Variants in PXDN observed in about 807,000 individuals in gnomAD.
The protein encoded by PXDN is peroxidasin homolog.
Under a neutral mutation model 140.3 loss-of-function variants are expected in PXDN, and 77 were observed. The ratio of observed to expected loss-of-function variants is 0.55; its 90% CI spans 0.46 to 0.66. The LOEUF (loss-of-function observed/expected upper bound fraction) is 0.66, where lower values mean the gene tolerates loss of function less well. PXDN is among the 30% of genes least tolerant of loss of function. The probability of loss-of-function intolerance (pLI) is 0.00; values close to 1 mark genes in which losing one functional copy is unlikely to be tolerated. For synonymous variants in PXDN, 911 were observed against 857.4 expected (o/e 1.06, Z -1.09); for missense variants, 1,838 against 2,039.5 (o/e 0.90, Z 1.90).
chr2:1,673,265 T>G (rs1260027192), intron 9 of PXDN, among the ~76,000 whole-genome samples: 1 of 152,122 alleles, frequency 6.6e-6, no homozygotes, highest in African/African-American at 2.4e-5. Context: ...CTTAGCAAAA[T>G]AGAGACCTCG....
chr2:1,679,598 T>C (rs1012348588), intron 7 of PXDN, among the ~76,000 whole-genome samples: 4 of 114,708 alleles, frequency 3.5e-5, no homozygotes, highest in African/African-American at 1.5e-4. Context: ...TGCGTGTATG[T>C]GCGTGTGTGT....
Position 1,649,550 on chromosome 2 carries a change from G to T in PXDN, c.2230C>A (p.His744Asn), listed in dbSNP as rs779385719. The T allele has an allele frequency of 1.3e-4, 202 of 1,613,922 alleles. 4 individuals carry two copies. In the South Asian group the frequency reaches 2.2e-3, roughly 18 times the overall value. The change falls in exon 17 of 23, where the codon CAC becomes AAC. Residue 744 changes from histidine to asparagine, a missense_variant. His to Asn is a moderately conservative substitution (Grantham distance 68). Coordinates refer to ENST00000252804, the MANE Select transcript of PXDN (RefSeq NM_012293.3). This position sits in a 1 kb window ranked among gnomAD's most constrained non-coding sequence, Gnocchi z 7.1. ...DMCFHQKYRT[H>N]DGTCNNLQHP... is the part of the protein sequence containing the mutation. ...TGCAGGTTGTTACAGGTGCCGTCGT[G>T]CGTCCGGTACTTCTGGTGGAAGCAC...
chr2:1,744,611 C>T, upstream of PXDN: 1 of 632,756 alleles, frequency 1.6e-6, no homozygotes, highest in Non-Finnish European at 2.2e-6. Context: ...CCTCTGAATC[C>T]CCGAGGGCGG....
intron 11 of PXDN, 106 bp from the exon 12 acceptor site, chr2:1,663,869 C>A (rs115673433): frequency 2.8e-6 from 4 of 1,450,982 alleles, no homozygotes; most frequent in Admixed American, 1.9e-5. Flanking sequence ...TGGGTCGGGG[C>A]GCCGGATAAT....
rs117212802 is a variant in PXDN at position 1,653,314 on chromosome 2, T to C, written c.2104+314A>G. On this transcript the variant is annotated intron_variant, in intron 16 of 22. Coordinates refer to ENST00000252804, the MANE Select transcript of PXDN (RefSeq NM_012293.3). The stretch of plus-strand genomic sequence containing the variant: ...CAAGTCCTCCCTTATGGCTCATTTG[T>C]TGCAGAGGGACTGGGCTTGCATAAC... The C allele has an allele frequency of 3.8e-4, 146 of 386,390 alleles. No individual in the cohort carries two copies. In the East Asian group the frequency reaches 7.9e-3, roughly 21 times the overall value. The allele number at this position is 386,390 out of a possible 1,614,324, so 23.9% of individuals were successfully genotyped here.
At chr2:1,684,460 T>C (rs1558507857) in intron 4 of PXDN, among the ~76,000 whole-genome samples, 1 of 152,222 alleles carries the variant, frequency 6.6e-6, no homozygotes, top group African/African-American at 2.4e-5. Context: ...CCATTTTCAC[T>C]TCCAAAATAT....
intron 9 of PXDN, among the ~76,000 whole-genome samples, chr2:1,667,684 A>C (rs1405087204): frequency 6.6e-6 from 1 of 152,204 alleles, no homozygotes; most frequent in African/African-American, 2.4e-5. Context: ...CCAAATCATG[A>C]GTGAACTCCC....
chr2:1,717,402 A>G (rs932480323), intron 1 of PXDN, among the ~76,000 whole-genome samples: 5 of 152,182 alleles, frequency 3.3e-5, no homozygotes, highest in African/African-American at 9.7e-5. Flanking sequence ...AACTGGGCTC[A>G]GCAGCTTTTC....
chr2:1,673,768 T>C lies in PXDN; in HGVS notation c.893A>G (p.Asp298Gly). The C allele has an allele frequency of 6.2e-7, 1 of 1,614,032 alleles. No homozygotes were observed. The highest frequency in any genetic ancestry group is 8.5e-7 in the Non-Finnish European group (1 of 1,179,890). Residue 298 changes from aspartate to glycine, a missense_variant, in exon 9 of 23, where the codon GAC (aspartate) becomes GGC (glycine). Transcript: ENST00000252804. ...GTTCTGGATCATCAGGGTCCCATCG[T>C]CCAGCAAGTTTAGGCGGGAATCTGT... Reference protein sequence around the residue: ...MKTDSRLNLLDDGTLMIQNTQ... With the variant: ...MKTDSRLNLLGDGTLMIQNTQ...
intron 14 of PXDN, among the ~76,000 whole-genome samples, chr2:1,655,817 G>A (rs1683120425): frequency 7.2e-6 from 1 of 139,170 alleles, no homozygotes; most frequent in Non-Finnish European, 1.6e-5. Context: ...CATAGGACAT[G>A]ACGCACACAC....
At chr2:1,645,047 T>G (rs1384000214) in intron 17 of PXDN, among the ~76,000 whole-genome samples, 1 of 152,166 alleles carries the variant, frequency 6.6e-6, no homozygotes, top group Non-Finnish European at 1.5e-5. Flanking sequence ...TTTCCAACTA[T>G]TCAGGGATAA....
At chr2:1,679,000 A>C (rs1486323301) in intron 7 of PXDN, among the ~76,000 whole-genome samples, 1 of 152,204 alleles carries the variant, frequency 6.6e-6, no homozygotes, top group Non-Finnish European at 1.5e-5. Context: ...CTTAAAAAAA[A>C]AAACTGTGTA....
At chr2:1,692,680 C>T in intron 2 of PXDN, 1 of 458,046 alleles carries the variant, frequency 2.2e-6, no homozygotes, top group Non-Finnish European at 4.5e-6. Context: ...CACTTAAGTC[C>T]ACTCCACACT....
At chr2:1,744,169 G>C in intron 1 of PXDN, 87 bp downstream of exon 1, 65 of 689,084 alleles carry the variant, frequency 9.4e-5, no homozygotes, top group Middle Eastern at 6.2e-4. Flanking sequence ...TCCACCCTCC[G>C]CGCCCCCCAC....
In PXDN at chr2:1,684,050, T is replaced by C. The variant is rs769984824; in HGVS notation, c.488+30A>G. On this transcript the variant is annotated intron_variant, in intron 5 of 22. Transcript: ENST00000252804. ...GTGACTGAGGCTTGGGCTCTGTGAA[T>C]GGAAAGGCAAGGAACAACACACAAC... 5 of 1,551,332 alleles carry C rather than the reference T, an allele frequency of 3.2e-6. No individual in the cohort carries two copies. The African/African-American group carries it at 6.8e-5, about 21-fold the overall frequency.
At chr2:1,671,488 G>C (rs1683575071) in intron 9 of PXDN, among the ~76,000 whole-genome samples, 1 of 151,874 alleles carries the variant, frequency 6.6e-6, no homozygotes, top group South Asian at 2.1e-4. Flanking sequence ...GGAGAAAAAT[G>C]GTGGGAAAAG....
chr2:1,645,862 G>A (rs548055247), intron 17 of PXDN: 1 of 152,392 alleles, frequency 6.6e-6, no homozygotes, highest in Admixed American at 6.5e-5. Context: ...GCTCTCTTCT[G>A]TCCCCCACCG....
intron 7 of PXDN, among the ~76,000 whole-genome samples, chr2:1,678,431 T>C (rs901008772): frequency 6.6e-6 from 1 of 152,116 alleles, no homozygotes; most frequent in Non-Finnish European, 1.5e-5. Context: ...ACGGGGTGAA[T>C]TGTCTGGCAC....
At chr2:1,741,523 C>A (rs937062310) in intron 1 of PXDN, among the ~76,000 whole-genome samples, 1 of 152,132 alleles carries the variant, frequency 6.6e-6, no homozygotes, top group Non-Finnish European at 1.5e-5. Context: ...GCTTATTCCA[C>A]TGTTTTCCAA....
Sources: allele counts gnomAD v4.1 joint callset (sites outside exome capture counted in the v4.1 genomes callset), GRCh38; gene constraint gnomAD v4.1.1; non-coding constraint Gnocchi (gnomAD v3.1); transcripts MANE v1.5; gene names NCBI Gene and HGNC (gene_info 2026-07-23, HGNC 2026-07-21).